NRXN1: variants seen among roughly 807,000 people sequenced by gnomAD.
The protein encoded by NRXN1 is neurexin-1.
Under a neutral mutation model 150.9 loss-of-function variants are expected in NRXN1, and 39 were observed. That is an observed-to-expected ratio of 0.26 (90% CI 0.20 to 0.34). The LOEUF (loss-of-function observed/expected upper bound fraction) is 0.34. Ranked by LOEUF, NRXN1 falls within the 10% of genes least tolerant of loss-of-function variation. The probability of loss-of-function intolerance (pLI) is 1.00; values close to 1 mark genes in which losing one functional copy is unlikely to be tolerated. For missense variants in NRXN1, 1,815 were observed against 1,949.9 expected, an observed-to-expected ratio of 0.93 and a Z score of 1.30; for synonymous variants, 924 against 757.0, an observed-to-expected ratio of 1.22 and a Z score of -3.62.
intron 5 of NRXN1, among the ~76,000 whole-genome samples, chr2:50,865,697 G>T (rs565740775): frequency 2.7e-5 from 3 of 110,232 alleles, no homozygotes; most frequent in Non-Finnish European, 5.7e-5. Flanking sequence ...GGTGGTGGGG[G>T]TAGTAGCACC....
At chr2:50,559,688 T>C (rs1316005856) in intron 8 of NRXN1, among the ~76,000 whole-genome samples, 1 of 152,140 alleles carries the variant, frequency 6.6e-6, no homozygotes, top group African/African-American at 2.4e-5. Context: ...GTCATTGATA[T>C]CCATATAAAT....
intron 5 of NRXN1, among the ~76,000 whole-genome samples, chr2:50,789,430 C>A (rs919597483): frequency 6.6e-6 from 1 of 152,164 alleles, no homozygotes; most frequent in Non-Finnish European, 1.5e-5. Flanking sequence ...GTAACTAACT[C>A]CTACGTCTTT....
intron 5 of NRXN1, among the ~76,000 whole-genome samples, chr2:50,627,484 C>A (rs1444880324): frequency 6.6e-6 from 1 of 150,874 alleles, no homozygotes; most frequent in Admixed American, 6.6e-5. Context: ...CTAAAGGTTG[C>A]TGGGACTATT....
intron 18 of NRXN1, among the ~76,000 whole-genome samples, chr2:50,103,664 A>G (rs1701271927): frequency 6.6e-6 from 1 of 152,070 alleles, no homozygotes; most frequent in African/African-American, 2.4e-5. Context: ...CAAGTAACTC[A>G]TGGACGTTTT....
intron 5 of NRXN1, among the ~76,000 whole-genome samples, chr2:50,762,101 T>A (rs1701865500): frequency 7.7e-6 from 1 of 130,418 alleles, no homozygotes; most frequent in Admixed American, 8.6e-5. Flanking sequence ...CTTAATAAAC[T>A]CATATATATA....
At chr2:50,616,561 T>G (rs1679096805) in intron 8 of NRXN1, 1 of 152,180 alleles carries the variant, frequency 6.6e-6, no homozygotes, top group African/African-American at 2.4e-5. Flanking sequence ...TGCCATTGTT[T>G]ACAATGAAAT....
At chr2:50,093,709 G>C (rs560219647) in intron 18 of NRXN1, among the ~76,000 whole-genome samples, 2 of 152,022 alleles carry the variant, frequency 1.3e-5, no homozygotes, top group East Asian at 3.9e-4. Flanking sequence ...ACATACGTAG[G>C]GCTCTATACA....
intron 17 of NRXN1, among the ~76,000 whole-genome samples, chr2:50,262,499 G>C (rs953921633): frequency 6.6e-6 from 1 of 151,886 alleles, no homozygotes; most frequent in Admixed American, 6.6e-5. Flanking sequence ...ATACTAAAAA[G>C]GTTGGGTTAA....
intron 17 of NRXN1, among the ~76,000 whole-genome samples, chr2:50,425,076 C>T (rs557169638): frequency 6.6e-6 from 1 of 152,240 alleles, no homozygotes; most frequent in East Asian, 1.9e-4. Flanking sequence ...CCACTTCAGG[C>T]CATATTGTGC....
At chr2:50,653,603 T>C (rs1219576678) in intron 5 of NRXN1, among the ~76,000 whole-genome samples, 3 of 151,970 alleles carry the variant, frequency 2.0e-5, no homozygotes, top group Non-Finnish European at 4.4e-5. Context: ...ATATTTCTAC[T>C]TGGAAAAAAG....
intron 22 of NRXN1, among the ~76,000 whole-genome samples, chr2:49,939,749 CTA>C (rs1671655812): frequency 6.6e-6 from 1 of 152,080 alleles, no homozygotes; most frequent in Non-Finnish European, 1.5e-5. Context: ...CATTTATGTT[CTA>C]CATTATGCCA....
intron 14 of NRXN1, among the ~76,000 whole-genome samples, chr2:50,496,556 A>G (rs116480259): frequency 0.013 from 1,935 of 152,126 alleles, 42 homozygotes; most frequent in African/African-American, 0.044. Context: ...ATGTTTTTCT[A>G]ATTTACCTGA....
At position 50,151,598 on chromosome 2, in the gene NRXN1, C is replaced by A. The variant is rs374039013; in HGVS notation, c.3547-60104G>T. The stretch of plus-strand genomic sequence containing the variant: ...TACCAAAAGCTCCAAAGCTTTAAAA[C>A]AAGCAAATAAAAAAAAATCAATAAA... On this transcript the variant is annotated intron_variant, in intron 18 of 22. Coordinates refer to ENST00000401669, the MANE Select transcript of NRXN1 (RefSeq NM_001330078.2). Among the ~76,000 whole-genome samples the A allele has an allele frequency of 4.1e-4, 62 of 151,504 alleles. 3 individuals are homozygous for A. In the South Asian group the frequency reaches 0.013, roughly 31 times the overall value.
chr2:50,271,994 G>T (rs2682004), intron 17 of NRXN1, among the ~76,000 whole-genome samples: 7 of 151,958 alleles, frequency 4.6e-5, no homozygotes, highest in Admixed American at 1.3e-4. Flanking sequence ...TCCTCCAAGG[G>T]GGGGTCACAC....
At chr2:50,430,477 G>A (rs1158549868) in intron 17 of NRXN1, among the ~76,000 whole-genome samples, 2 of 152,294 alleles carry the variant, frequency 1.3e-5, no homozygotes, top group East Asian at 3.9e-4. Context: ...AATGTGGCAG[G>A]TGCAACTATC....
chr2:50,200,561 G>C (rs1199808791), intron 18 of NRXN1, among the ~76,000 whole-genome samples: 4 of 152,082 alleles, frequency 2.6e-5, no homozygotes, highest in Non-Finnish European at 5.9e-5. Flanking sequence ...AGTGTAAATG[G>C]AGAGAACTAA....
chr2:50,282,637 G>A (rs2071613282), intron 17 of NRXN1, among the ~76,000 whole-genome samples: 1 of 152,036 alleles, frequency 6.6e-6, no homozygotes, highest in Admixed American at 6.6e-5. Flanking sequence ...GACATAAATG[G>A]TATAGTTTGG....
intron 5 of NRXN1, among the ~76,000 whole-genome samples, chr2:50,877,973 G>GC (rs1162944716): frequency 2.0e-5 from 3 of 151,858 alleles, no homozygotes; most frequent in African/African-American, 7.3e-5. Context: ...CCAACCACCT[G>GC]CCACTCATCC....
chr2:50,120,546 C>T lies in NRXN1; in HGVS notation c.3547-29052G>A, dbSNP rs558643583. 5.0e-4 allele frequency among the ~76,000 whole-genome samples: 76 copies of T among 152,178 alleles called. 1 individual carries two copies. The highest frequency in any genetic ancestry group is 1.2e-3 in the South Asian group (6 of 4,818). ...TAGGCAATGTGCTATGCAATGGAGACGCATCTATCTACAACAGGAAATGAA... is the reference window on the plus strand; with the variant it reads ...TAGGCAATGTGCTATGCAATGGAGATGCATCTATCTACAACAGGAAATGAA... On this transcript the variant is annotated intron_variant, in intron 18 of 22. Coordinates refer to ENST00000401669, the MANE Select transcript of NRXN1 (RefSeq NM_001330078.2).
Sources: gnomAD v4.1 joint callset for allele counts (sites outside exome capture counted in the v4.1 genomes callset) on GRCh38, gnomAD v4.1.1 for gene constraint, MANE v1.5 for transcripts, NCBI Gene and HGNC (gene_info 2026-07-23, HGNC 2026-07-21) for gene names.